SYMPK: variants seen among roughly 807,000 people sequenced by gnomAD.
SYMPK encodes the protein symplekin.
A neutral mutation model predicts 136.4 loss-of-function variants in SYMPK; 49 were observed. That is an observed-to-expected ratio of 0.36 (90% confidence interval 0.29 to 0.46). The LOEUF (loss-of-function observed/expected upper bound fraction) is 0.46. Among genes scored for constraint, SYMPK ranks in the 20% least tolerant of loss-of-function variants. SYMPK has a pLI of 1.00. For synonymous variants in SYMPK, 766 were observed against 713.0 expected (o/e 1.07, Z -1.19); for missense variants, 1,365 against 1,690.0 (o/e 0.81, Z 3.37).
intron 7 of SYMPK, among the ~76,000 whole-genome samples, chr19:45,845,273 T>G (rs1398796180): frequency 6.6e-6 from 1 of 151,958 alleles, no homozygotes; most frequent in African/African-American, 2.4e-5. Flanking sequence ...CCACCATGCT[T>G]GGCTATCAAA....
chr19:45,839,503 A>T (rs1021072690), intron 9 of SYMPK, among the ~76,000 whole-genome samples: 1 of 152,194 alleles, frequency 6.6e-6, no homozygotes, highest in Non-Finnish European at 1.5e-5. Context: ...ATCTCTTTGG[A>T]GCCAGTATAG....
At chr19:45,853,365 C>A (rs927897302) in intron 3 of SYMPK, among the ~76,000 whole-genome samples, 1 of 152,174 alleles carries the variant, frequency 6.6e-6, no homozygotes, top group Non-Finnish European at 1.5e-5. Context: ...TGGCTGGGCA[C>A]GGTGGCTCGT....
intron 13 of SYMPK, among the ~76,000 whole-genome samples, chr19:45,829,748 G>A (rs937562613): frequency 6.6e-6 from 1 of 152,216 alleles, no homozygotes; most frequent in Non-Finnish European, 1.5e-5. Flanking sequence ...CAGTAAGAAC[G>A]TTAACAACCG....
chr19:45,816,701 G>T, intron 24 of SYMPK, 97 bp downstream of exon 24: 1 of 1,498,138 alleles, frequency 6.7e-7, no homozygotes, highest in Non-Finnish European at 8.9e-7. Context: ...TCTTGTGTCC[G>T]CCTCCATCCA....
At chr19:45,827,759 G>A in intron 15 of SYMPK, 78 bp downstream of exon 15, 1 of 1,538,872 alleles carries the variant, frequency 6.5e-7, no homozygotes, top group Non-Finnish European at 9.0e-7. Flanking sequence ...ACAAGGTTTA[G>A]ACTGTGTGCC....
intron 9 of SYMPK, among the ~76,000 whole-genome samples, chr19:45,840,689 A>C (rs1388116338): frequency 6.6e-6 from 1 of 151,778 alleles, no homozygotes; most frequent in African/African-American, 2.4e-5. Context: ...AAACAAATAC[A>C]AAAATTAGCC....
At chr19:45,852,025 C>A (rs1375219484) in intron 5 of SYMPK, among the ~76,000 whole-genome samples, 1 of 152,220 alleles carries the variant, frequency 6.6e-6, no homozygotes, top group Non-Finnish European at 1.5e-5. Flanking sequence ...TGCATAGTGG[C>A]AGAGGAAGTG....
chr19:45,846,022 G>T (rs1294701633), intron 7 of SYMPK, among the ~76,000 whole-genome samples: 1 of 152,102 alleles, frequency 6.6e-6, no homozygotes, highest in Non-Finnish European at 1.5e-5. Context: ...AGATCACGAG[G>T]TCAGGAGATC....
chr19:45,857,267 G>C (rs560390966), intron 1 of SYMPK, among the ~76,000 whole-genome samples: 5 of 148,698 alleles, frequency 3.4e-5, no homozygotes, highest in African/African-American at 1.2e-4. Flanking sequence ...AAAATATGCC[G>C]GGCATGGTGG....
At position 45,821,187 on chromosome 19, in the gene SYMPK, G is replaced by A. The variant is rs997126402; in HGVS notation, c.2893+197C>T. 1.6e-5 allele frequency: 11 copies of A among 695,174 alleles called. No homozygotes were observed. Among genetic ancestry groups the A allele is most frequent in the Non-Finnish European group, 2.4e-5 (9 of 382,130 alleles). 43.1% of individuals were successfully genotyped at this position (695,174 alleles called of 1,614,324 possible). ...AGGGTAAAACCTGGGAGGAAGGAAG[G>A]AGGAGGGAGGGAGGGAGGGAGGGAA... is the stretch of plus-strand genomic sequence containing the variant. On this transcript the variant is annotated intron_variant, in intron 22 of 26. Transcript: ENST00000245934. The surrounding 1 kb of genome is among the most constrained non-coding windows in gnomAD (Gnocchi z 4.4).
Position 45,842,498 on chromosome 19 carries a change from A to T in SYMPK, c.848-9T>A. 6.2e-7 allele frequency: 1 copy of T among 1,607,880 alleles called. No individual in the cohort carries two copies. The highest frequency in any genetic ancestry group is 8.5e-7 in the Non-Finnish European group (1 of 1,176,058). Reference sequence around the variant, plus strand: ...CGTCGGGGGCAGGTTGGCTGTGAGGAAAGTGGCAGGAGCTGTGTCTTGTGG... The same window carrying T: ...CGTCGGGGGCAGGTTGGCTGTGAGGTAAGTGGCAGGAGCTGTGTCTTGTGG... On this transcript the variant is annotated splice_polypyrimidine_tract_variant and intron_variant, in intron 8 of 26. Coordinates refer to ENST00000245934, the MANE Select transcript of SYMPK (RefSeq NM_004819.3).
intron 16 of SYMPK, among the ~76,000 whole-genome samples, chr19:45,827,269 C>CGT (rs975231963): frequency 1.8e-4 from 28 of 152,264 alleles, no homozygotes; most frequent in African/African-American, 6.0e-4. Context: ...GGCAAGCGCA[C>CGT]GTGTGTGTGT....
Position 45,821,288 on chromosome 19 carries a change from T to G in SYMPK, c.2893+96A>C. 1.1e-6 allele frequency: 1 copy of G among 938,672 alleles called. No homozygotes were observed. Among genetic ancestry groups the G allele is most frequent in the Non-Finnish European group, 1.7e-6 (1 of 576,378 alleles). The allele number at this position is 938,672 out of a possible 1,614,324, so 58.1% of individuals were successfully genotyped here. ...AGGTGGGGCTGTGAGTGACAGTCTT[T>G]GACTTGGCAGATTCCAGTGGGGGCA... On this transcript the variant is annotated intron_variant, in intron 22 of 26. Transcript: ENST00000245934. The surrounding 1 kb of genome is among the most constrained non-coding windows in gnomAD (Gnocchi z 4.4).
chr19:45,820,871 G>C, intron 22 of SYMPK: 1 of 505,486 alleles, frequency 2.0e-6, no homozygotes, highest in Non-Finnish European at 3.5e-6. Context: ...CAGGCCTGTA[G>C]GCGTTCAGGG....
chr19:45,815,911 G>A lies in SYMPK; in HGVS notation c.3627C>T (p.Asp1209=). The A allele has an allele frequency of 1.9e-6, 3 of 1,612,254 alleles. No individual in the cohort carries two copies. Among genetic ancestry groups the A allele is most frequent in the South Asian group, 1.1e-5 (1 of 90,926 alleles). Residue 1209 remains aspartate, a synonymous_variant, in exon 26 of 27, where the codon GAC becomes GAT. Transcript: ENST00000245934. ...GCGCGGCCTCGGTCAGCCCCGAGTC[G>A]TCATCCATGCTGATGAAGATGCCCG... is the stretch of plus-strand genomic sequence containing the variant. ...ETPGIFISMD[D]DSGLTEAALL...
At position 45,842,415 on chromosome 19, in the gene SYMPK, C is replaced by A; in HGVS notation, c.922G>T (p.Val308Leu). The A allele has an allele frequency of 6.2e-7, 1 of 1,614,200 alleles. No individual in the cohort carries two copies. Among genetic ancestry groups the A allele is most frequent in the Non-Finnish European group, 8.5e-7 (1 of 1,180,046 alleles). The change falls in exon 9 of 27, where the codon GTG (valine) becomes TTG (leucine). Residue 308 changes from valine (V) to leucine (L), a missense_variant. This residue lies in a region of SYMPK where 111 missense variants were observed against 141.2 expected (regional missense o/e 0.79). Transcript: ENST00000245934. ...TCCAAGGAAGCCGGGTGCTTCAGCA[C>A]ACTCAACAGGTGCAGCTTCAGATTC... ...RKNLKLHLLS[V>L]LKHPASLEFQ...
intron 1 of SYMPK, among the ~76,000 whole-genome samples, chr19:45,861,645 G>A (rs567110879): frequency 6.6e-6 from 1 of 152,028 alleles, no homozygotes; most frequent in Non-Finnish European, 1.5e-5. Flanking sequence ...GCTGAGGCAG[G>A]CGAATTGCTT....
chr19:45,844,120 G>C lies in SYMPK; in HGVS notation c.757C>G (p.Leu253Val). ...GCAAGGGAGCCCAGCGCTGTGGTCAGGTTGATGGAGGAGATGGCAGGGTGC... is the reference window on the plus strand; with the variant it reads ...GCAAGGGAGCCCAGCGCTGTGGTCACGTTGATGGAGGAGATGGCAGGGTGC... ...MVHPAISSIN[L>V]TTALGSLANI... Residue 253 changes from leucine (L) to valine (V), a missense_variant, in exon 8 of 27, where the codon CTG becomes GTG. This residue lies in a region of SYMPK where 237 missense variants were observed against 292.9 expected (regional missense o/e 0.81). Coordinates refer to ENST00000245934, the MANE Select transcript of SYMPK (RefSeq NM_004819.3). The C allele has an allele frequency of 1.2e-6, 2 of 1,613,118 alleles. No homozygotes were observed. The highest frequency in any genetic ancestry group is 1.7e-6 in the Non-Finnish European group (2 of 1,179,622).
chr19:45,853,132 G>A (rs946408710), intron 3 of SYMPK, among the ~76,000 whole-genome samples: 1 of 152,266 alleles, frequency 6.6e-6, no homozygotes, highest in Middle Eastern at 3.4e-3. Flanking sequence ...CACCCATGGG[G>A]GAGGCACCAG....
Sources: gnomAD v4.1 joint callset for allele counts (sites outside exome capture counted in the v4.1 genomes callset) on GRCh38, gnomAD v4.1.1 for gene constraint, gnomAD v4.1.1 regional missense constraint, Gnocchi (gnomAD v3.1) non-coding constraint, MANE v1.5 for transcripts, NCBI Gene and HGNC (gene_info 2026-07-23, HGNC 2026-07-21) for gene names.